Variants in GTF2F1 observed in about 807,000 individuals in gnomAD.
GTF2F1 encodes general transcription factor IIF 74 kDa subunit.
A neutral mutation model predicts 63.5 loss-of-function variants in GTF2F1; 39 were observed. That is an observed-to-expected ratio of 0.61 (90% CI 0.48 to 0.80). The LOEUF (loss-of-function observed/expected upper bound fraction) is 0.80, where lower values mean the gene tolerates loss of function less well. Ranked by LOEUF, GTF2F1 falls within the 30% of genes least tolerant of loss-of-function variation. The probability of loss-of-function intolerance (pLI) is 0.00; values close to 1 mark genes in which losing one functional copy is unlikely to be tolerated. For synonymous variants in GTF2F1, 287 were observed against 285.3 expected (o/e 1.01, Z -0.06); for missense variants, 657 against 718.3 (o/e 0.91, Z 0.97).
Position 6,381,604 on chromosome 19 carries a change from T to C in GTF2F1, c.848A>G (p.Glu283Gly). The C allele has an allele frequency of 6.2e-7, 1 of 1,613,894 alleles. No homozygotes were observed. Among genetic ancestry groups the C allele is most frequent in the Non-Finnish European group, 8.5e-7 (1 of 1,180,018 alleles). ...YMSDGSSSSQ[E>G]EPESKAKAPQ... Reference sequence around the variant, plus strand: ...CGCCTTGGCCTTGCTCTCAGGCTCTTCTTGGGAGCTACTGTAAGACGGGGA... The same window carrying C: ...CGCCTTGGCCTTGCTCTCAGGCTCTCCTTGGGAGCTACTGTAAGACGGGGA... Residue 283 changes from glutamate (E) to glycine (G), a missense_variant, in exon 8 of 13, where the codon GAA (glutamate) becomes GGA (glycine). This residue lies in a region of GTF2F1 where 602 missense variants were observed against 625.6 expected (regional missense o/e 0.96). Transcript: ENST00000394456. The surrounding 1 kb of genome is among the most constrained non-coding windows in gnomAD (Gnocchi z 4.1).
intron 3 of GTF2F1, among the ~76,000 whole-genome samples, chr19:6,390,701 G>A (rs972099568): frequency 6.6e-6 from 1 of 151,080 alleles, no homozygotes; most frequent in Non-Finnish European, 1.5e-5. Context: ...CCAACATGGC[G>A]AAACTTCGTC....
At chr19:6,390,872 A>C (rs1337289385) in intron 3 of GTF2F1, among the ~76,000 whole-genome samples, 1 of 152,124 alleles carries the variant, frequency 6.6e-6, no homozygotes, top group African/African-American at 2.4e-5. Context: ...AAGAGACTCC[A>C]TCACAAAAAA....
chr19:6,392,951 G>C, intron 1 of GTF2F1, 33 bp downstream of exon 1: 2 of 1,614,090 alleles, frequency 1.2e-6, no homozygotes, highest in Non-Finnish European at 1.7e-6. Context: ...GGTCGCCGTC[G>C]GAACCCCCGA....
chr19:6,381,473 C>CTGGGAGGG lies in GTF2F1; in HGVS notation c.903_904insCCCTCCCA (p.Asp302ProfsTer116). On this transcript the variant is annotated frameshift_variant, in exon 9 of 13. Transcript: ENST00000394456. LOFTEE classifies it high-confidence loss of function. This position sits in a 1 kb window ranked among gnomAD's most constrained non-coding sequence, Gnocchi z 4.1. Reference sequence around the variant, plus strand: ...TCCTCACTACTGTCGCTCTGCTCATCGACACCTGGGAGGGGCAGGGTATGA... The same window carrying CTGGGAGGG: ...TCCTCACTACTGTCGCTCTGCTCATCTGGGAGGGGACACCTGGGAGGGGCAGGGTATGA... 1 of 1,607,698 alleles carries CTGGGAGGG rather than the reference C, an allele frequency of 6.2e-7. No homozygotes were observed. The highest frequency in any genetic ancestry group is 1.1e-5 in the South Asian group (1 of 90,964).
intron 6 of GTF2F1, among the ~76,000 whole-genome samples, chr19:6,382,662 G>C (rs1265619872): frequency 6.6e-6 from 1 of 151,620 alleles, no homozygotes; most frequent in Non-Finnish European, 1.5e-5. Context: ...GCCGGGTGTG[G>C]TGGTGCACGC....
At position 6,381,683 on chromosome 19, in the gene GTF2F1, C is replaced by T. The variant is rs1193824023; in HGVS notation, c.836+14G>A. 1.2e-6 allele frequency: 2 copies of T among 1,614,144 alleles called. No homozygotes were observed. The highest frequency in any genetic ancestry group is 2.2e-5 in the South Asian group (2 of 91,092). ...GCTGCATGGGGTCTCGCAGGCGCCT[C>T]CCGTCGGCCTCACCTGGAGCCGTCT... On this transcript the variant is annotated intron_variant, in intron 7 of 12. Coordinates refer to ENST00000394456, the MANE Select transcript of GTF2F1 (RefSeq NM_002096.3). The surrounding 1 kb of genome is among the most constrained non-coding windows in gnomAD (Gnocchi z 4.1).
At chr19:6,385,966 C>T (rs2092649459) in intron 5 of GTF2F1, among the ~76,000 whole-genome samples, 1 of 152,082 alleles carries the variant, frequency 6.6e-6, no homozygotes, top group Non-Finnish European at 1.5e-5. Flanking sequence ...GTCCCAGCTA[C>T]CCAGGAGGCT....
intron 5 of GTF2F1, 83 bp downstream of exon 5, chr19:6,387,306 C>T: frequency 7.3e-7 from 1 of 1,369,560 alleles, no homozygotes; most frequent in Admixed American, 1.8e-5. Context: ...CCCCAGCTCC[C>T]AGCACAGGGC....
rs1201513111 is a variant in GTF2F1, at chr19:6,381,392, CCTT to C, written c.982_984del (p.Lys328del). The C allele has an allele frequency of 6.2e-6, 10 of 1,610,228 alleles. No individual in the cohort carries two copies. Among genetic ancestry groups the C allele is most frequent in the East Asian group, 2.2e-5 (1 of 44,854 alleles). Reference sequence around the variant, plus strand: ...CGCTTCTTCTCCTGCGGGGTGGGTGCCTTCTTCTCCTCCTCCTCCTCCTTGTCC... The same window carrying C: ...CGCTTCTTCTCCTGCGGGGTGGGTGCCTTCTCCTCCTCCTCCTCCTTGTCC... On this transcript the variant is annotated inframe_deletion, in exon 9 of 13. Transcript: ENST00000394456. The surrounding 1 kb of genome is among the most constrained non-coding windows in gnomAD (Gnocchi z 4.1).
chr19:6,391,087 T>G (rs760558792), intron 3 of GTF2F1, among the ~76,000 whole-genome samples: 9 of 152,320 alleles, frequency 5.9e-5, no homozygotes, highest in Non-Finnish European at 1.0e-4. Flanking sequence ...CTGCCTCCAG[T>G]GCCCTGCCAG....
In GTF2F1 at chr19:6,381,496, T is replaced by G; in HGVS notation, c.899-18A>C. On this transcript the variant is annotated intron_variant, in intron 8 of 12. Transcript: ENST00000394456. This position sits in a 1 kb window ranked among gnomAD's most constrained non-coding sequence, Gnocchi z 4.1. ...ATCGACACCTGGGAGGGGCAGGGTA[T>G]GAGCAAGAGCAGGGAAGCACCGCCC... The G allele has an allele frequency of 6.2e-7, 1 of 1,608,518 alleles. No homozygotes were observed. Among genetic ancestry groups the G allele is most frequent in the South Asian group, 1.1e-5 (1 of 90,990 alleles).
At position 6,381,822 on chromosome 19, in the gene GTF2F1, C is replaced by T; in HGVS notation, c.711G>A (p.Lys237=). The T allele has an allele frequency of 3.7e-6, 6 of 1,613,532 alleles. No homozygotes were observed. The highest frequency in any genetic ancestry group is 5.1e-6 in the Non-Finnish European group (6 of 1,179,984). ...EGGRVPKAKK[K]APLAKGGRKK... ...TCCTGCCGCCCTTGGCCAGCGGCGC[C>T]TTCTTCTTGGCCTTGGGGACTCTGC... is the stretch of plus-strand genomic sequence containing the variant. The change falls in exon 7 of 13, where the codon AAG becomes AAA. Residue 237 remains lysine (K), a synonymous_variant. Transcript: ENST00000394456. The surrounding 1 kb of genome is among the most constrained non-coding windows in gnomAD (Gnocchi z 4.1).
Position 6,383,720 on chromosome 19 carries a change from G to A in GTF2F1, c.498-225C>T, listed in dbSNP as rs528660935. On this transcript the variant is annotated intron_variant, in intron 5 of 12. Transcript: ENST00000394456. This position sits in a 1 kb window ranked among gnomAD's most constrained non-coding sequence, Gnocchi z 4.5. ...CTCAAAGAGCAGGTCCCCATGTGCT[G>A]CTGGAGTCTCAGCACCTCCCTCGGA... Among the ~76,000 whole-genome samples, 1 of 152,208 alleles carries A rather than the reference G, an allele frequency of 6.6e-6. No homozygotes were observed. Among genetic ancestry groups the A allele is most frequent in the East Asian group, 1.9e-4 (1 of 5,204 alleles).
At chr19:6,387,200 G>A in intron 5 of GTF2F1, 189 bp downstream of exon 5, 1 of 580,692 alleles carries the variant, frequency 1.7e-6, no homozygotes, top group South Asian at 2.2e-5. Flanking sequence ...CACCCTCTGG[G>A]GTGCCCCATT....
intron 3 of GTF2F1, among the ~76,000 whole-genome samples, chr19:6,390,013 T>C (rs924109759): frequency 1.3e-5 from 2 of 152,282 alleles, no homozygotes; most frequent in East Asian, 3.9e-4. Context: ...TTTCAAAAAA[T>C]GTCTAAGTAC....
chr19:6,382,165 A>G (rs1349141392), intron 6 of GTF2F1, among the ~76,000 whole-genome samples: 2 of 152,134 alleles, frequency 1.3e-5, no homozygotes, highest in Non-Finnish European at 2.9e-5. Flanking sequence ...TGGTCAACCT[A>G]GAGTTGCAGT....
chr19:6,383,593 C>A lies in GTF2F1; in HGVS notation c.498-98G>T. 1 of 1,301,142 alleles carries A rather than the reference C, an allele frequency of 7.7e-7. No homozygotes were observed. The allele number at this position is 1,301,142 out of a possible 1,614,324, so 80.6% of individuals were successfully genotyped here. On this transcript the variant is annotated intron_variant, in intron 5 of 12. Coordinates refer to ENST00000394456, the MANE Select transcript of GTF2F1 (RefSeq NM_002096.3). This position sits in a 1 kb window ranked among gnomAD's most constrained non-coding sequence, Gnocchi z 4.5. ...CCCAGGGCACCACCCACATAGCCTT[C>A]AAGGTGATGTGGCCCCCGGGGACTT...
In GTF2F1 at chr19:6,380,461, G is replaced by A. The variant is rs370032823; in HGVS notation, c.1374C>T (p.Ala458=). The A allele has an allele frequency of 2.1e-5, 34 of 1,613,924 alleles. No homozygotes were observed. Among genetic ancestry groups the A allele is most frequent in the Middle Eastern group, 1.6e-4 (1 of 6,084 alleles). ...NSGDVQVTED[A]VRRYLTRKPM... ...GCTTCCGTGTCAGGTAGCGGCGCAC[G>A]GCATCCTCAGTCACCTGCACGTCGC... The change falls in exon 13 of 13, where the codon GCC becomes GCT. Residue 458 remains alanine, a synonymous_variant. Transcript: ENST00000394456. This position sits in a 1 kb window ranked among gnomAD's most constrained non-coding sequence, Gnocchi z 5.3.
rs776874702 is a variant in GTF2F1 at position 6,381,348 on chromosome 19, A to G, written c.1018+11T>C. ...CCCAAGCCTCCAATATGGGGGCCAC[A>G]TGCGCCGCACCTTTCCTGCGCTTCT... On this transcript the variant is annotated intron_variant, in intron 9 of 12. Transcript: ENST00000394456. The surrounding 1 kb of genome is among the most constrained non-coding windows in gnomAD (Gnocchi z 4.1). The G allele has an allele frequency of 5.1e-6, 8 of 1,575,970 alleles. No homozygotes were observed. In the Admixed American group the frequency reaches 1.5e-4, roughly 29 times the overall value.
Sources: allele counts gnomAD v4.1 joint callset (sites outside exome capture counted in the v4.1 genomes callset), GRCh38; gene constraint gnomAD v4.1.1; regional missense constraint gnomAD v4.1.1; non-coding constraint Gnocchi (gnomAD v3.1); transcripts MANE v1.5; gene names NCBI Gene and HGNC (gene_info 2026-07-23, HGNC 2026-07-21).